GUCA2A: variants seen among roughly 807,000 people sequenced by gnomAD.
GUCA2A encodes guanylate cyclase activator 2A.
In GUCA2A, 17 loss-of-function variants were observed where a neutral mutation model predicts 11.2. The observed-to-expected ratio is 1.52, with a 90% CI of 1.04 to 2.28. The LOEUF is 2.28. Ranked by LOEUF, GUCA2A falls within the 30% of genes most tolerant of loss-of-function variation. The probability of loss-of-function intolerance (pLI) is 0.00; values close to 1 mark genes in which losing one functional copy is unlikely to be tolerated. For synonymous variants in GUCA2A, 64 were observed against 57.1 expected (o/e 1.12, Z -0.54); for missense variants, 173 against 139.3 (o/e 1.24, Z -1.22).
rs1427742884 is a variant in GUCA2A at position 42,163,556 on chromosome 1, C to G, written c.130G>C (p.Glu44Gln). The G allele has an allele frequency of 6.2e-7, 1 of 1,613,914 alleles. No individual in the cohort carries two copies. The highest frequency in any genetic ancestry group is 8.5e-7 in the Non-Finnish European group (1 of 1,179,840). Residue 44 changes from glutamate (E) to glutamine (Q), a missense_variant, in exon 2 of 3, where the codon GAG (glutamate) becomes CAG (glutamine). By Grantham distance (29) the Glu-to-Gln change is conservative. Coordinates refer to ENST00000357001, the MANE Select transcript of GUCA2A (RefSeq NM_033553.3). Reference protein sequence around the residue: ...ESVKKLKDLQEPQEPRVGKLR... With the variant: ...ESVKKLKDLQQPQEPRVGKLR... ...TTCCCAACCCTGGGCTCCTGGGGCTCCTGGAGGTCTTTGAGCTTCTTCACT... is the reference window on the plus strand; with the variant it reads ...TTCCCAACCCTGGGCTCCTGGGGCTGCTGGAGGTCTTTGAGCTTCTTCACT...
rs1419963098 is a variant in GUCA2A, at chr1:42,163,423, T to A, written c.263A>T (p.Gln88Leu). 6.2e-7 allele frequency: 1 copy of A among 1,612,474 alleles called. No homozygotes were observed. The highest frequency in any genetic ancestry group is 1.3e-5 in the African/African-American group (1 of 75,000). Residue 88 changes from glutamine (Q) to leucine (L), a missense_variant, in exon 2 of 3, where the codon CAG becomes CTG. By Grantham distance (113) the Gln-to-Leu change is moderately radical. Coordinates refer to ENST00000357001, the MANE Select transcript of GUCA2A (RefSeq NM_033553.3). ...LKPLCKEPNA[Q>L]EILQRLEEIA... is the part of the protein sequence containing the mutation. ...CTCACCCAGCCTCTGAAGTATCTCC[T>A]GGGCATTGGGCTCCTTGCAGAGAGG...
At position 42,163,506 on chromosome 1, in the gene GUCA2A, A is replaced by T; in HGVS notation, c.180T>A (p.Pro60=). ...VGKLRNFAPI[P]GEPVVPILCS... Reference sequence around the variant, plus strand: ...AGAGGATGGGAACCACAGGTTCACCAGGGATGGGTGCAAAGTTCCTGAGTT... The same window carrying T: ...AGAGGATGGGAACCACAGGTTCACCTGGGATGGGTGCAAAGTTCCTGAGTT... Residue 60 remains proline, a synonymous_variant, in exon 2 of 3, where the codon CCT becomes CCA. Coordinates refer to ENST00000357001, the MANE Select transcript of GUCA2A (RefSeq NM_033553.3). 2.5e-6 allele frequency: 4 copies of T among 1,613,640 alleles called. No homozygotes were observed. The highest frequency in any genetic ancestry group is 3.4e-6 in the Non-Finnish European group (4 of 1,179,512).
intron 2 of GUCA2A, among the ~76,000 whole-genome samples, 178 bp downstream of exon 2, chr1:42,163,225 A>G (rs1646137304): frequency 6.6e-6 from 1 of 152,208 alleles, no homozygotes; most frequent in African/African-American, 2.4e-5. Context: ...CTCAGCAGTT[A>G]CAACTTGGAA....
intron 2 of GUCA2A, 71 bp downstream of exon 2, chr1:42,163,332 C>A: frequency 1.0e-6 from 1 of 981,408 alleles, no homozygotes; most frequent in Non-Finnish European, 1.6e-6. Flanking sequence ...CCAATCAGAG[C>A]ACATCTCTTC....
chr1:42,163,143 A>G (rs1056802802), intron 2 of GUCA2A, among the ~76,000 whole-genome samples, 173 bp from the exon 3 acceptor site: 3 of 152,040 alleles, frequency 2.0e-5, no homozygotes, highest in Non-Finnish European at 2.9e-5. Flanking sequence ...CACTCAAACC[A>G]ACCAATCAAA....
chr1:42,163,271 C>A (rs951949518), intron 2 of GUCA2A, 132 bp downstream of exon 2: 1 of 661,344 alleles, frequency 1.5e-6, no homozygotes, highest in Admixed American at 2.8e-5. Flanking sequence ...CCAATCAGAG[C>A]CAAGCTCCCT....
At chr1:42,164,206 A>T (rs894994368) in intron 1 of GUCA2A, among the ~76,000 whole-genome samples, 11 of 152,226 alleles carry the variant, frequency 7.2e-5, no homozygotes, top group Admixed American at 6.5e-4. Flanking sequence ...CCCACTGAGG[A>T]GTAAGGTCTG....
chr1:42,163,888 T>C (rs1646141195), intron 1 of GUCA2A, among the ~76,000 whole-genome samples: 1 of 152,212 alleles, frequency 6.6e-6, no homozygotes, highest in Admixed American at 6.5e-5. Flanking sequence ...CATAGGTGCC[T>C]AATGAGTAGG....
At chr1:42,163,684 G>T (rs1474759401) in intron 1 of GUCA2A, 74 bp from the exon 2 acceptor site, 7 of 1,008,152 alleles carry the variant, frequency 6.9e-6, no homozygotes, top group African/African-American at 6.4e-5. Flanking sequence ...TGCTGGCCCC[G>T]GTCCAGCCCA....
At chr1:42,164,569 C>A (rs547258989) in intron 1 of GUCA2A, 69 bp downstream of exon 1, 2 of 903,888 alleles carry the variant, frequency 2.2e-6, no homozygotes, top group African/African-American at 1.6e-5. Context: ...GAGGTACTCT[C>A]TCAGGGGACC....
At chr1:42,163,056 A>G in intron 2 of GUCA2A, 86 bp from the exon 3 acceptor site, 6 of 1,049,218 alleles carry the variant, frequency 5.7e-6, no homozygotes, top group Non-Finnish European at 7.3e-6. Context: ...GTACGTCACC[A>G]CCCAGCCCCA....
intron 2 of GUCA2A, 113 bp from the exon 3 acceptor site, chr1:42,163,083 C>T: frequency 2.4e-6 from 2 of 845,342 alleles, no homozygotes; most frequent in East Asian, 2.6e-5. Flanking sequence ...TCTCAGCAGG[C>T]CCGTACTCTG....
Position 42,162,913 on chromosome 1 carries a change from C to A in GUCA2A, c.341G>T (p.Gly114Val). ...CEICAYAACTGC is the reference protein window; with the variant it reads ...CEICAYAACTVC Reference sequence around the variant, plus strand: ...GGCAGTGGGCAAGCCCCCCTAGCATCCGGTACAGGCAGCGTAGGCACAGAT... The same window carrying A: ...GGCAGTGGGCAAGCCCCCCTAGCATACGGTACAGGCAGCGTAGGCACAGAT... The change falls in exon 3 of 3, where the codon GGA (glycine) becomes GTA (valine). Residue 114 changes from glycine to valine, a missense_variant. Gly to Val is a moderately radical substitution (Grantham distance 109). Coordinates refer to ENST00000357001, the MANE Select transcript of GUCA2A (RefSeq NM_033553.3). 1 of 1,613,310 alleles carries A rather than the reference C, an allele frequency of 6.2e-7. No homozygotes were observed. The highest frequency in any genetic ancestry group is 1.3e-5 in the African/African-American group (1 of 74,984).
intron 1 of GUCA2A, among the ~76,000 whole-genome samples, chr1:42,164,304 A>G (rs1434395428): frequency 6.6e-6 from 1 of 152,204 alleles, no homozygotes; most frequent in Non-Finnish European, 1.5e-5. Flanking sequence ...CCCCTCTGTA[A>G]AATGGGACTA....
In GUCA2A at chr1:42,163,415, G is replaced by T. The variant is rs1646138401; in HGVS notation, c.271C>A (p.Leu91Ile). 6.2e-7 allele frequency: 1 copy of T among 1,610,390 alleles called. No individual in the cohort carries two copies. Among genetic ancestry groups the T allele is most frequent in the Non-Finnish European group, 8.5e-7 (1 of 1,176,652 alleles). Residue 91 changes from leucine to isoleucine, a missense_variant, in exon 2 of 3, where the codon CTT becomes ATT. Physicochemically the swap from Leu to Ile is conservative, Grantham distance 5. Coordinates refer to ENST00000357001, the MANE Select transcript of GUCA2A (RefSeq NM_033553.3). ...GGAGGCTGCTCACCCAGCCTCTGAAGTATCTCCTGGGCATTGGGCTCCTTG... is the reference window on the plus strand; with the variant it reads ...GGAGGCTGCTCACCCAGCCTCTGAATTATCTCCTGGGCATTGGGCTCCTTG... ...LCKEPNAQEI[L>I]QRLEEIAEDP... is the part of the protein sequence containing the mutation.
Position 42,163,580 on chromosome 1 carries a change from C to A in GUCA2A, c.106G>T (p.Val36Leu). ...TCCTGGAGGTCTTTGAGCTTCTTCA[C>A]TGACTCCAGAGAAAAGGAGAAATTT... The part of the protein sequence containing the change: ...DGNFSFSLES[V>L]KKLKDLQEPQ... Residue 36 changes from valine to leucine, a missense_variant, in exon 2 of 3, where the codon GTG (valine) becomes TTG (leucine). Val to Leu is a conservative substitution (Grantham distance 32). Coordinates refer to ENST00000357001, the MANE Select transcript of GUCA2A (RefSeq NM_033553.3). 1 of 1,613,342 alleles carries A rather than the reference C, an allele frequency of 6.2e-7. No homozygotes were observed. Among genetic ancestry groups the A allele is most frequent in the Non-Finnish European group, 8.5e-7 (1 of 1,179,468 alleles).
chr1:42,163,307 T>C (rs554645856), intron 2 of GUCA2A, 96 bp downstream of exon 2: 2 of 813,948 alleles, frequency 2.5e-6, no homozygotes, highest in Non-Finnish European at 2.0e-6. Flanking sequence ...AGCTGAGCCC[T>C]TCCTCCAAAT....
chr1:42,162,776 C>A lies in GUCA2A; in HGVS notation c.*130G>T, dbSNP rs1569699892. 5.5e-6 allele frequency: 4 copies of A among 733,698 alleles called. No individual in the cohort carries two copies. The highest frequency in any genetic ancestry group is 4.8e-5 in the South Asian group (3 of 62,676). 45.4% of individuals were successfully genotyped at this position (733,698 alleles called of 1,614,324 possible). On this transcript the variant is annotated 3_prime_UTR_variant, in exon 3 of 3. Coordinates refer to ENST00000357001, the MANE Select transcript of GUCA2A (RefSeq NM_033553.3). ...GAGGCCTCCAGTCACCCAGTTCCTC[C>A]CCGGGCTGCTCCTCCCGACTGGACC...
chr1:42,164,732 G>A lies in GUCA2A; in HGVS notation c.-20C>T, dbSNP rs1164286796. On this transcript the variant is annotated 5_prime_UTR_variant, in exon 1 of 3. Coordinates refer to ENST00000357001, the MANE Select transcript of GUCA2A (RefSeq NM_033553.3). Reference sequence around the variant, plus strand: ...ATTCATGGCAGCAGTGCCCGAGAGAGGGGTGGCTGTTCTGGATGCCAGGGG... The same window carrying A: ...ATTCATGGCAGCAGTGCCCGAGAGAAGGGTGGCTGTTCTGGATGCCAGGGG... 2.0e-6 allele frequency: 3 copies of A among 1,486,784 alleles called. No individual in the cohort carries two copies. The highest frequency in any genetic ancestry group is 2.0e-5 in the Admixed American group (1 of 50,940). 92.1% of individuals were successfully genotyped at this position (1,486,784 alleles called of 1,614,324 possible).
Sources: gnomAD v4.1 joint callset for allele counts (sites outside exome capture counted in the v4.1 genomes callset) on GRCh38, gnomAD v4.1.1 for gene constraint, MANE v1.5 for transcripts, NCBI Gene and HGNC (gene_info 2026-07-23, HGNC 2026-07-21) for gene names.